PGLYRP2: variants seen among roughly 807,000 people sequenced by gnomAD.
The protein encoded by PGLYRP2 is N-acetylmuramoyl-L-alanine amidase.
PGLYRP2 carries 38 observed loss-of-function variants against 46.2 expected under a neutral mutation model. That is an observed-to-expected ratio of 0.82 (90% CI 0.64 to 1.08). PGLYRP2 has a LOEUF of 1.08. Ranked by LOEUF, PGLYRP2 falls within the 50% of genes least tolerant of loss-of-function variation. The probability of loss-of-function intolerance (pLI) is 0.00; values close to 1 mark genes in which losing one functional copy is unlikely to be tolerated. For synonymous variants in PGLYRP2, 289 were observed against 329.4 expected (o/e 0.88, Z 1.33); for missense variants, 713 against 755.9 (o/e 0.94, Z 0.67).
Position 15,476,332 on chromosome 19 carries a change from G to A in PGLYRP2, c.338C>T (p.Ala113Val). 1 of 1,614,166 alleles carries A rather than the reference G, an allele frequency of 6.2e-7. No individual in the cohort carries two copies. The highest frequency in any genetic ancestry group is 8.5e-7 in the Non-Finnish European group (1 of 1,180,034). ...REGKEYGVVL[A>V]PDGSTVAVEP... ...CACAGCCACGGTCGAGCCATCAGGTGCCAGCACCACCCCATATTCCTTCCC... is the reference window on the plus strand; with the variant it reads ...CACAGCCACGGTCGAGCCATCAGGTACCAGCACCACCCCATATTCCTTCCC... The change falls in exon 2 of 5, where the codon GCA (alanine) becomes GTA (valine). Residue 113 changes from alanine (A) to valine (V), a missense_variant. Coordinates refer to ENST00000340880, the MANE Select transcript of PGLYRP2 (RefSeq NM_052890.4).
intron 3 of PGLYRP2, among the ~76,000 whole-genome samples, chr19:15,470,730 C>T (rs957700617): frequency 2.0e-5 from 3 of 152,150 alleles, no homozygotes; most frequent in Non-Finnish European, 4.4e-5. Context: ...CTGCAACCTC[C>T]GCTTCCCAGG....
chr19:15,476,688 T>A, intron 1 of PGLYRP2, 80 bp from the exon 2 acceptor site: 1 of 1,192,258 alleles, frequency 8.4e-7, no homozygotes. Flanking sequence ...TACCCAATGC[T>A]CCCAGCCCTC....
chr19:15,476,943 A>G (rs989316917), intron 1 of PGLYRP2, among the ~76,000 whole-genome samples: 1 of 152,190 alleles, frequency 6.6e-6, no homozygotes, highest in Non-Finnish European at 1.5e-5. Context: ...AAGGGGAGAC[A>G]GTGTGGAGGT....
Position 15,471,915 on chromosome 19 carries a change from G to T in PGLYRP2, c.1318C>A (p.Gln440Lys). The T allele has an allele frequency of 1.2e-6, 2 of 1,614,044 alleles. No homozygotes were observed. Among genetic ancestry groups the T allele is most frequent in the Non-Finnish European group, 1.7e-6 (2 of 1,179,936 alleles). The stretch of plus-strand genomic sequence containing the variant: ...CTGTAGCCGATGTCTCCCCAGCCTT[G>T]CGTGTCCTGGTGGTAGCGCTGCATG... ...RSMQRYHQDT[Q>K]GWGDIGYSFV... The change falls in exon 3 of 5, where the codon CAA (glutamine) becomes AAA (lysine). Residue 440 changes from glutamine (Q) to lysine (K), a missense_variant. Physicochemically the swap from Gln to Lys is moderately conservative, Grantham distance 53. Coordinates refer to ENST00000340880, the MANE Select transcript of PGLYRP2 (RefSeq NM_052890.4).
rs564647752 is a variant in PGLYRP2, at chr19:15,472,203, A to G, written c.1133-103T>C. ...ACAGACCATCCCTCAGCCTCCTCTC[A>G]GATTTGGAAAGGGTCCAGTCTCACC... On this transcript the variant is annotated intron_variant, in intron 2 of 4. Transcript: ENST00000340880. 5.8e-4 allele frequency: 565 copies of G among 969,856 alleles called. 2 individuals carry two copies. The highest frequency in any genetic ancestry group is 7.4e-4 in the Non-Finnish European group (484 of 655,890). 60.1% of individuals were successfully genotyped at this position (969,856 alleles called of 1,614,324 possible).
chr19:15,471,867 C>T (rs745399464), intron 3 of PGLYRP2, 23 bp downstream of exon 3: 2 of 1,607,432 alleles, frequency 1.2e-6, no homozygotes, highest in Non-Finnish European at 8.5e-7. Flanking sequence ...GCCCCGCCCC[C>T]TCCCCGGTCG....
In PGLYRP2 at chr19:15,475,914, G is replaced by C; in HGVS notation, c.756C>G (p.Leu252=). ...AAAGCGTAAAGGTCCGAGGGGCAGA[G>C]AGCTGGTCCCAGCAGCCCTCAGTTC... ...DLGTEGCWDQ[L]SAPRTFTLLD... Residue 252 remains leucine, a synonymous_variant, in exon 2 of 5, where the codon CTC becomes CTG. Coordinates refer to ENST00000340880, the MANE Select transcript of PGLYRP2 (RefSeq NM_052890.4). The C allele has an allele frequency of 6.8e-6, 11 of 1,614,174 alleles. No individual in the cohort carries two copies. The highest frequency in any genetic ancestry group is 9.3e-6 in the Non-Finnish European group (11 of 1,180,030).
At chr19:15,474,594 G>A (rs1220982696) in intron 2 of PGLYRP2, among the ~76,000 whole-genome samples, 1 of 152,092 alleles carries the variant, frequency 6.6e-6, no homozygotes, top group Non-Finnish European at 1.5e-5. Context: ...GGGTCTGAGA[G>A]CCCTGGACGA....
At position 15,479,326 on chromosome 19, in the gene PGLYRP2, A is replaced by G. The variant is rs1970824924; in HGVS notation, c.46T>C (p.Ser16Pro). ...LWILLGLLLWSDPGTASLPLL... is the reference protein window; with the variant it reads ...LWILLGLLLWPDPGTASLPLL... ...CCTGACTCACCTGTCCCTGGGTCTG[A>G]CCACAGTAGCAATCCGAGTAGGATC... The change falls in exon 1 of 5, where the codon TCA becomes CCA. Residue 16 changes from serine to proline, a missense_variant. Physicochemically the swap from Ser to Pro is moderately conservative, Grantham distance 74. Coordinates refer to ENST00000340880, the MANE Select transcript of PGLYRP2 (RefSeq NM_052890.4). 2 of 1,613,944 alleles carry G rather than the reference A, an allele frequency of 1.2e-6. No homozygotes were observed. Among genetic ancestry groups the G allele is most frequent in the East Asian group, 4.5e-5 (2 of 44,890 alleles).
In PGLYRP2 at chr19:15,469,856, G is replaced by A; in HGVS notation, c.1417C>T (p.His473Tyr). 6.6e-7 allele frequency: 1 copy of A among 1,513,388 alleles called. No individual in the cohort carries two copies. Among genetic ancestry groups the A allele is most frequent in the Non-Finnish European group, 8.8e-7 (1 of 1,141,810 alleles). 93.7% of individuals were successfully genotyped at this position (1,513,388 alleles called of 1,614,324 possible). The change falls in exon 4 of 5, where the codon CAC becomes TAC. Residue 473 changes from histidine to tyrosine, a missense_variant. Coordinates refer to ENST00000340880, the MANE Select transcript of PGLYRP2 (RefSeq NM_052890.4). The surrounding 1 kb of genome is among the most constrained non-coding windows in gnomAD (Gnocchi z 4.9). ...GCCACGCCGAAGCCCCGGGAGTTGTGGCCGAGCGTGTGGGCGCCCACCCAG... is the reference window on the plus strand; with the variant it reads ...GCCACGCCGAAGCCCCGGGAGTTGTAGCCGAGCGTGTGGGCGCCCACCCAG... Reference protein sequence around the residue: ...WHWVGAHTLGHNSRGFGVAIV... With the variant: ...WHWVGAHTLGYNSRGFGVAIV...
chr19:15,475,493 G>T, intron 2 of PGLYRP2, 45 bp downstream of exon 2: 2 of 1,514,390 alleles, frequency 1.3e-6, no homozygotes, highest in Non-Finnish European at 1.8e-6. Flanking sequence ...GGGGGCGTCT[G>T]TGTCTGTAAT....
chr19:15,472,702 C>G (rs920188974), intron 2 of PGLYRP2, among the ~76,000 whole-genome samples: 1 of 152,144 alleles, frequency 6.6e-6, no homozygotes, highest in African/African-American at 2.4e-5. Flanking sequence ...GAGTTCAAGA[C>G]CAGCCTGGGC....
In PGLYRP2 at chr19:15,469,056, G is replaced by T. The variant is rs1786929524; in HGVS notation, c.1642-304C>A. Reference sequence around the variant, plus strand: ...GCTGGCATAAGAGTTGTCATCAGGGGTTAAGGAGTCAGGGACGAAACAAGC... The same window carrying T: ...GCTGGCATAAGAGTTGTCATCAGGGTTTAAGGAGTCAGGGACGAAACAAGC... On this transcript the variant is annotated intron_variant, in intron 4 of 4. Coordinates refer to ENST00000340880, the MANE Select transcript of PGLYRP2 (RefSeq NM_052890.4). This position sits in a 1 kb window ranked among gnomAD's most constrained non-coding sequence, Gnocchi z 4.9. 3.9e-6 allele frequency: 2 copies of T among 514,886 alleles called. No homozygotes were observed. The highest frequency in any genetic ancestry group is 2.8e-5 in the South Asian group (1 of 36,244). 31.9% of individuals were successfully genotyped at this position (514,886 alleles called of 1,614,324 possible).
chr19:15,475,536 AC>A lies in PGLYRP2; in HGVS notation c.1132+1del. 1 of 1,582,590 alleles carries A rather than the reference AC, an allele frequency of 6.3e-7. No homozygotes were observed. Among genetic ancestry groups the A allele is most frequent in the Non-Finnish European group, 8.6e-7 (1 of 1,162,718 alleles). On this transcript the variant is annotated splice_donor_variant, in intron 2 of 4. Transcript: ENST00000340880. LOFTEE classifies it high-confidence loss of function. ...ATCACAGGGTGTGGGGAACTTCCTC[AC>A]CCAGGAAGGCCTCAGTGAATTCCTT...
chr19:15,475,101 G>A (rs1970781721), intron 2 of PGLYRP2, among the ~76,000 whole-genome samples: 1 of 152,118 alleles, frequency 6.6e-6, no homozygotes, highest in African/African-American at 2.4e-5. Flanking sequence ...ACTTATAAAT[G>A]GGAGCTAAAT....
chr19:15,471,984 G>T lies in PGLYRP2; in HGVS notation c.1249C>A (p.Pro417Thr), dbSNP rs1320661425. 6.2e-7 allele frequency: 1 copy of T among 1,614,010 alleles called. No homozygotes were observed. The highest frequency in any genetic ancestry group is 1.1e-5 in the South Asian group (1 of 91,092). The stretch of plus-strand genomic sequence containing the variant: ...CAGCGCGTGAAGTCCGTGCAGGGTG[G>T]TGCAGGCACGTAGGTGTGATGCACG... ...LYVHHTYVPAPPCTDFTRCAA... is the reference protein window; with the variant it reads ...LYVHHTYVPATPCTDFTRCAA... The change falls in exon 3 of 5, where the codon CCA (proline) becomes ACA (threonine). Residue 417 changes from proline to threonine, a missense_variant. Physicochemically the swap from Pro to Thr is conservative, Grantham distance 38. Coordinates refer to ENST00000340880, the MANE Select transcript of PGLYRP2 (RefSeq NM_052890.4).
intron 2 of PGLYRP2, 29 bp from the exon 3 acceptor site, chr19:15,472,129 T>C: frequency 1.9e-6 from 3 of 1,567,992 alleles, no homozygotes; most frequent in Non-Finnish European, 2.6e-6. Context: ...AAGGCTGGGG[T>C]CAGGAACTGT....
rs754184553 is a variant in PGLYRP2, at chr19:15,476,267, G to A, written c.403C>T (p.Arg135Cys). ...LAGLEAGLQG[R>C]RVINLPLDSM... The stretch of plus-strand genomic sequence containing the variant: ...TCCAAGGGCAAATTTATGACCCTGC[G>A]CCCTTGCAGCCCTGCCTCCAGCCCC... Residue 135 changes from arginine to cysteine, a missense_variant, in exon 2 of 5, where the codon CGC becomes TGC. By Grantham distance (180) the Arg-to-Cys change is radical. Coordinates refer to ENST00000340880, the MANE Select transcript of PGLYRP2 (RefSeq NM_052890.4). The A allele has an allele frequency of 1.1e-5, 17 of 1,614,008 alleles. No individual in the cohort carries two copies. The highest frequency in any genetic ancestry group is 6.6e-5 in the South Asian group (6 of 91,088).
chr19:15,472,192 A>C (rs1970757048), intron 2 of PGLYRP2, 92 bp from the exon 3 acceptor site: 12 of 1,093,532 alleles, frequency 1.1e-5, no homozygotes, highest in Non-Finnish European at 1.6e-5. Context: ...ACCATCCCTC[A>C]GCCTCCTCTC....
Sources: gnomAD v4.1 joint callset for allele counts (sites outside exome capture counted in the v4.1 genomes callset) on GRCh38, gnomAD v4.1.1 for gene constraint, Gnocchi (gnomAD v3.1) non-coding constraint, MANE v1.5 for transcripts, NCBI Gene and HGNC (gene_info 2026-07-23, HGNC 2026-07-21) for gene names.